PCDH15: variants seen among roughly 807,000 people sequenced by gnomAD.
PCDH15 encodes protocadherin related 15, also known as protocadherin-15.
Under a neutral mutation model 178.5 loss-of-function variants are expected in PCDH15, and 129 were observed. The ratio of observed to expected loss-of-function variants is 0.72; its 90% CI spans 0.63 to 0.84. PCDH15 has a LOEUF of 0.84. Ranked by LOEUF, PCDH15 falls within the 40% of genes least tolerant of loss-of-function variation. The pLI is 0.00. For missense variants in PCDH15, 2,230 were observed against 2,099.9 expected, an observed-to-expected ratio of 1.06 and a Z score of -1.21; for synonymous variants, 800 against 732.0, an observed-to-expected ratio of 1.09 and a Z score of -1.50.
chr10:54,469,826 T>G (rs1456663156), intron 3 of PCDH15, among the ~76,000 whole-genome samples: 1 of 152,064 alleles, frequency 6.6e-6, no homozygotes, highest in Non-Finnish European at 1.5e-5. Flanking sequence ...CCATCTGTAC[T>G]GGTGTTGGTG....
At chr10:55,241,927 T>A (rs1040103948) in intron 1 of PCDH15, among the ~76,000 whole-genome samples, 1 of 152,204 alleles carries the variant, frequency 6.6e-6, no homozygotes, top group African/African-American at 2.4e-5. Context: ...TCAAAACTCA[T>A]AAAACGTGTT....
At chr10:54,435,241 T>C (rs776802683) in intron 3 of PCDH15, among the ~76,000 whole-genome samples, 1 of 152,198 alleles carries the variant, frequency 6.6e-6, no homozygotes, top group Non-Finnish European at 1.5e-5. Flanking sequence ...GAGGACTCTT[T>C]ATTAATCACA....
At chr10:54,315,928 TGTGTTTTTTTTG>T (rs1223098571) in intron 8 of PCDH15, among the ~76,000 whole-genome samples, 1 of 109,796 alleles carries the variant, frequency 9.1e-6, no homozygotes, top group Admixed American at 8.9e-5. Context: ...TAATAGTTTG[TGTGTTTTTTTTG>T]TTTGTTTGTT....
intron 1 of PCDH15, among the ~76,000 whole-genome samples, chr10:55,319,159 C>A (rs1302957413): frequency 6.6e-6 from 1 of 152,020 alleles, no homozygotes; most frequent in Non-Finnish European, 1.5e-5. Context: ...GAAAAAGGAG[C>A]AGTTCAAAGT....
intron 2 of PCDH15, among the ~76,000 whole-genome samples, chr10:55,537,953 C>T (rs988164894): frequency 6.6e-6 from 1 of 152,116 alleles, no homozygotes. Context: ...AAGAATTAAG[C>T]AAATCTGAGG....
chr10:55,152,890 A>C (rs996879891), intron 2 of PCDH15, among the ~76,000 whole-genome samples: 2 of 152,124 alleles, frequency 1.3e-5, no homozygotes, highest in Admixed American at 6.5e-5. Context: ...ACACACACAC[A>C]ATAATTATGT....
chr10:55,069,964 G>T (rs1375329089), intron 2 of PCDH15, among the ~76,000 whole-genome samples: 1 of 152,050 alleles, frequency 6.6e-6, no homozygotes, highest in African/African-American at 2.4e-5. Context: ...TTTAATGATT[G>T]CCATTCTAAC....
chr10:53,897,547 T>G (rs1457816803), intron 26 of PCDH15, among the ~76,000 whole-genome samples: 1 of 152,214 alleles, frequency 6.6e-6, no homozygotes, highest in East Asian at 1.9e-4. Context: ...AACACAAAAG[T>G]TAGCATTTCA....
chr10:54,531,904 T>C (rs2083965573), intron 2 of PCDH15, among the ~76,000 whole-genome samples: 1 of 152,120 alleles, frequency 6.6e-6, no homozygotes, highest in Non-Finnish European at 1.5e-5. Flanking sequence ...ATTATTTCAG[T>C]GAATGGCATA....
intron 2 of PCDH15, among the ~76,000 whole-genome samples, chr10:55,445,979 T>C (rs1486433812): frequency 6.6e-6 from 1 of 152,166 alleles, no homozygotes; most frequent in East Asian, 1.9e-4. Flanking sequence ...ACAAGAGGTT[T>C]ACCAGAAATA....
At chr10:54,239,791 C>T (rs1004520454) in intron 8 of PCDH15, among the ~76,000 whole-genome samples, 1 of 151,934 alleles carries the variant, frequency 6.6e-6, no homozygotes, top group South Asian at 2.1e-4. Flanking sequence ...ACTTATTTTA[C>T]AATATTTATT....
chr10:54,252,178 C>T (rs2056534277), intron 8 of PCDH15, among the ~76,000 whole-genome samples: 1 of 152,082 alleles, frequency 6.6e-6, no homozygotes, highest in Admixed American at 6.5e-5. Flanking sequence ...TTACACTAGT[C>T]TTGGCAAAAA....
At chr10:53,981,461 C>T (rs2090630447) in intron 21 of PCDH15, among the ~76,000 whole-genome samples, 1 of 152,010 alleles carries the variant, frequency 6.6e-6, no homozygotes, top group Non-Finnish European at 1.5e-5. Flanking sequence ...GTACTGGTAC[C>T]AAAACAGAGA....
chr10:53,859,524 G>A (rs2078967444), intron 27 of PCDH15, among the ~76,000 whole-genome samples: 1 of 152,072 alleles, frequency 6.6e-6, no homozygotes, highest in Admixed American at 6.6e-5. Context: ...CTGGCTGACA[G>A]ACTGTTACAG....
intron 15 of PCDH15, among the ~76,000 whole-genome samples, chr10:54,101,665 A>C (rs2094814380): frequency 6.6e-6 from 1 of 152,252 alleles, no homozygotes; most frequent in African/African-American, 2.4e-5. Context: ...TAAAAAAGAA[A>C]CCTTAAAAAT....
intron 25 of PCDH15, among the ~76,000 whole-genome samples, chr10:53,914,505 A>G (rs2083387212): frequency 6.6e-6 from 1 of 152,186 alleles, no homozygotes; most frequent in Non-Finnish European, 1.5e-5. Context: ...TTAGCAAACT[A>G]TTGCAGGGAC....
chr10:55,078,873 C>T (rs1236123566), intron 2 of PCDH15, among the ~76,000 whole-genome samples: 2 of 151,918 alleles, frequency 1.3e-5, no homozygotes, highest in South Asian at 2.1e-4. Flanking sequence ...AAATATATGA[C>T]ATTTGGTTTT....
chr10:54,630,068 C>G (rs1413645481), intron 2 of PCDH15, among the ~76,000 whole-genome samples: 1 of 152,090 alleles, frequency 6.6e-6, no homozygotes, highest in African/African-American at 2.4e-5. Flanking sequence ...TTACAAAATA[C>G]TGCTGAATGA....
intron 2 of PCDH15, among the ~76,000 whole-genome samples, chr10:55,121,326 G>C (rs1837762917): frequency 6.7e-6 from 1 of 149,492 alleles, no homozygotes; most frequent in Admixed American, 6.7e-5. Flanking sequence ...TTTTAGAAGT[G>C]TATTACTTGT....
Sources: allele counts gnomAD v4.1 joint callset (sites outside exome capture counted in the v4.1 genomes callset), GRCh38; gene constraint gnomAD v4.1.1; transcripts MANE v1.5; gene names NCBI Gene and HGNC (gene_info 2026-07-23, HGNC 2026-07-21).